The following ZNF736 variants were observed in gnomAD, a reference collection of about 807,000 sequenced individuals.
ZNF736 encodes the protein zinc finger protein 736.
In ZNF736, 6 loss-of-function variants were observed where a neutral mutation model predicts 11.7. That is an observed-to-expected ratio of 0.51 (90% CI 0.28 to 1.01). ZNF736 has a LOEUF of 1.01. Ranked by LOEUF, ZNF736 falls within the 50% of genes least tolerant of loss-of-function variation. ZNF736 has a pLI of 0.09. For synonymous variants in ZNF736, 139 were observed against 164.7 expected (o/e 0.84, Z 1.19); for missense variants, 444 against 496.0 (o/e 0.90, Z 1.00).
At position 64,351,289 on chromosome 7, in the gene ZNF736, A is replaced by C. The variant is rs1789484114; in HGVS notation, c.*2142A>C. On this transcript the variant is annotated 3_prime_UTR_variant, in exon 4 of 4. Coordinates refer to ENST00000423484, the MANE Select transcript of ZNF736 (RefSeq NM_001170905.3). ...GGGTGGCGGGGCATATTGCATTCCC[A>C]TTTGCTGGTGGGGCAAGCAAAGCCA... The C allele has an allele frequency of 6.6e-6, 1 of 152,196 alleles. No individual in the cohort carries two copies. The highest frequency in any genetic ancestry group is 2.1e-4 in the South Asian group (1 of 4,834). 9.4% of individuals were successfully genotyped at this position (152,196 alleles called of 1,614,324 possible). A position where few individuals can be genotyped will look rare whatever the true frequency, so the allele number is the denominator to read the frequency against.
chr7:64,334,236 G>A (rs1789214646), intron 1 of ZNF736, among the ~76,000 whole-genome samples: 1 of 152,100 alleles, frequency 6.6e-6, no homozygotes, highest in African/African-American at 2.4e-5. Flanking sequence ...ATAGGCATGG[G>A]CAAAGACTTC....
At chr7:64,317,798 C>T (rs1788938001) in intron 1 of ZNF736, among the ~76,000 whole-genome samples, 1 of 151,932 alleles carries the variant, frequency 6.6e-6, no homozygotes, top group South Asian at 2.1e-4. Flanking sequence ...CTTTCTATAT[C>T]CATTAAGTTT....
At chr7:64,334,956 A>C (rs917649669) in intron 1 of ZNF736, among the ~76,000 whole-genome samples, 75 of 152,356 alleles carry the variant, frequency 4.9e-4, no homozygotes, top group African/African-American at 1.6e-3. Context: ...CTATGCAGCC[A>C]TAAAAAAGAA....
chr7:64,344,498 T>C (rs1175977171), intron 3 of ZNF736, among the ~76,000 whole-genome samples: 2 of 152,218 alleles, frequency 1.3e-5, no homozygotes. Context: ...TTTTCTGTTT[T>C]TAAGGATGTA....
chr7:64,342,415 T>TA (rs1789352401), intron 3 of ZNF736, among the ~76,000 whole-genome samples: 1 of 152,130 alleles, frequency 6.6e-6, no homozygotes, highest in Non-Finnish European at 1.5e-5. Flanking sequence ...GGAACTAAAC[T>TA]TAGAAATTTA....
At chr7:64,317,686 A>G (rs981379671) in intron 1 of ZNF736, among the ~76,000 whole-genome samples, 14 of 152,166 alleles carry the variant, frequency 9.2e-5, no homozygotes, top group African/African-American at 3.4e-4. Context: ...ACCTTAGGAA[A>G]GCATTATAAA....
At chr7:64,314,943 C>T (rs1341899731) in intron 1 of ZNF736, among the ~76,000 whole-genome samples, 1 of 152,160 alleles carries the variant, frequency 6.6e-6, no homozygotes, top group Non-Finnish European at 1.5e-5. Flanking sequence ...AAATGTAATC[C>T]CCCATGTTGG....
intron 3 of ZNF736, among the ~76,000 whole-genome samples, chr7:64,344,883 G>A (rs1789386546): frequency 1.3e-5 from 2 of 151,450 alleles, no homozygotes; most frequent in Admixed American, 1.3e-4. Flanking sequence ...TTTGTGTTTG[G>A]AAATTGTTAA....
intron 3 of ZNF736, among the ~76,000 whole-genome samples, chr7:64,339,709 C>T (rs1789309898): frequency 7.3e-6 from 1 of 137,912 alleles, no homozygotes; most frequent in African/African-American, 2.5e-5. Flanking sequence ...AGTTTAAAAT[C>T]AGAAAGTATA....
rs552592971 is a variant in ZNF736, at chr7:64,355,806, T to C, written c.*6659T>C. ...AAGGAGATTTTATTTCTGCCCTGCT[T>C]TCCTGGGCTCTCAGAAGTGTAGTTC... On this transcript the variant is annotated 3_prime_UTR_variant, in exon 4 of 4. Transcript: ENST00000423484. 1.2e-5 allele frequency: 2 copies of C among 169,976 alleles called. No homozygotes were observed. The highest frequency in any genetic ancestry group is 3.1e-4 in the East Asian group (2 of 6,462). The allele number at this position is 169,976 out of a possible 1,614,324, so 10.5% of individuals were successfully genotyped here. A position where few individuals can be genotyped will look rare whatever the true frequency, so the allele number is the denominator to read the frequency against.
chr7:64,341,383 T>TA (rs1213343895), intron 3 of ZNF736, among the ~76,000 whole-genome samples: 1 of 152,148 alleles, frequency 6.6e-6, no homozygotes, highest in Non-Finnish European at 1.5e-5. Flanking sequence ...ATCTAATATT[T>TA]AAAGACTTGC....
intron 1 of ZNF736, among the ~76,000 whole-genome samples, chr7:64,319,333 G>GTGTGTATA (rs1175526690): frequency 1.4e-5 from 1 of 71,638 alleles, no homozygotes; most frequent in Admixed American, 1.7e-4. Flanking sequence ...GTGTGTATGT[G>GTGTGTATA]TATATATATA....
At chr7:64,318,469 A>G (rs1409493255) in intron 1 of ZNF736, among the ~76,000 whole-genome samples, 1 of 151,988 alleles carries the variant, frequency 6.6e-6, no homozygotes, top group African/African-American at 2.4e-5. Flanking sequence ...TTTTTGTAAA[A>G]TCTCATGAAA....
chr7:64,324,201 A>G (rs1317253484), intron 1 of ZNF736, among the ~76,000 whole-genome samples: 1 of 152,174 alleles, frequency 6.6e-6, no homozygotes. Flanking sequence ...AACTTCTCAC[A>G]ATATGCCCTG....
At chr7:64,335,448 T>G (rs559235989) in intron 1 of ZNF736, among the ~76,000 whole-genome samples, 2 of 152,368 alleles carry the variant, frequency 1.3e-5, no homozygotes, top group East Asian at 3.9e-4. Flanking sequence ...ACAGTAGTCT[T>G]GTATCCTTCT....
chr7:64,344,331 T>C (rs1584275833), intron 3 of ZNF736, among the ~76,000 whole-genome samples: 2 of 152,168 alleles, frequency 1.3e-5, no homozygotes, highest in East Asian at 3.8e-4. Flanking sequence ...ATGTATACTC[T>C]TTAATATTTT....
At chr7:64,325,519 G>A (rs1789071823) in intron 1 of ZNF736, among the ~76,000 whole-genome samples, 2 of 152,110 alleles carry the variant, frequency 1.3e-5, no homozygotes, top group Admixed American at 1.3e-4. Context: ...CACTCGTCGG[G>A]TGCCTGATTA....
chr7:64,344,551 TTG>T (rs928874529), intron 3 of ZNF736, among the ~76,000 whole-genome samples: 9 of 152,202 alleles, frequency 5.9e-5, no homozygotes, highest in African/African-American at 1.9e-4. Flanking sequence ...TACAGTATTT[TTG>T]TGTGTGTGGC....
chr7:64,316,771 G>T (rs1788923923), intron 1 of ZNF736, among the ~76,000 whole-genome samples: 2 of 152,136 alleles, frequency 1.3e-5, no homozygotes, highest in South Asian at 4.1e-4. Flanking sequence ...AAGAAAAGAG[G>T]TAGATTTTAG....
Sources: gnomAD v4.1 joint callset for allele counts (sites outside exome capture counted in the v4.1 genomes callset) on GRCh38, gnomAD v4.1.1 for gene constraint, MANE v1.5 for transcripts, NCBI Gene and HGNC (gene_info 2026-07-23, HGNC 2026-07-21) for gene names.